ZNF197: variants seen among roughly 807,000 people sequenced by gnomAD.
The protein encoded by ZNF197 is VHL-associated KRAB-A domain-containing protein.
ZNF197 carries 14 observed loss-of-function variants against 27.4 expected under a neutral mutation model. The observed-to-expected ratio is 0.51, with a 90% CI of 0.34 to 0.80. The LOEUF is 0.80. Ranked by LOEUF, ZNF197 falls within the 30% of genes least tolerant of loss-of-function variation. ZNF197 has a pLI of 0.02. For synonymous variants in ZNF197, 415 were observed against 420.0 expected (o/e 0.99, Z 0.15); for missense variants, 1,090 against 1,222.6 (o/e 0.89, Z 1.62).
chr3:44,643,811 G>T lies in ZNF197; in HGVS notation c.2681G>T (p.Arg894Ile). 1.2e-6 allele frequency: 2 copies of T among 1,613,954 alleles called. No homozygotes were observed. Among genetic ancestry groups the T allele is most frequent in the South Asian group, 2.2e-5 (2 of 91,064 alleles). The change falls in exon 6 of 6, where the codon AGA becomes ATA. Residue 894 changes from arginine to isoleucine, a missense_variant. Arg to Ile is a moderately conservative substitution (Grantham distance 97). Coordinates refer to ENST00000344387, the MANE Select transcript of ZNF197 (RefSeq NM_006991.5). ...AGTAGAAATCTTATGGTACATCAAA[G>T]AATCCATACTGGAGAGAAACCTTAT... ...TSSRNLMVHQRIHTGEKPYKC... is the reference protein window; with the variant it reads ...TSSRNLMVHQIIHTGEKPYKC...
intron 5 of ZNF197, among the ~76,000 whole-genome samples, chr3:44,638,497 A>G (rs1005307079): frequency 2.6e-5 from 4 of 152,164 alleles, no homozygotes; most frequent in Non-Finnish European, 2.9e-5. Flanking sequence ...GATTGTCTAT[A>G]TGCAAGATTT....
rs569970336 is a variant in ZNF197 at position 44,643,402 on chromosome 3, G to A, written c.2272G>A (p.Gly758Arg). The change falls in exon 6 of 6, where the codon GGA becomes AGA. Residue 758 changes from glycine (G) to arginine (R), a missense_variant. Gly to Arg is a moderately radical substitution (Grantham distance 125). Transcript: ENST00000344387. The stretch of plus-strand genomic sequence containing the variant: ...GCTTGTACATCGGAGAATCCACACC[G>A]GAGAAAAACCCTTTGAATGCAGTGA... ...SLLVHRRIHT[G>R]EKPFECSECG... 2.8e-5 allele frequency: 46 copies of A among 1,614,168 alleles called. 1 individual carries two copies. The highest frequency in any genetic ancestry group is 1.6e-4 in the East Asian group (7 of 44,876).
In ZNF197 at chr3:44,644,027, T is replaced by A; in HGVS notation, c.2897T>A (p.Val966Asp). The A allele has an allele frequency of 1.2e-6, 2 of 1,613,932 alleles. No homozygotes were observed. Among genetic ancestry groups the A allele is most frequent in the South Asian group, 2.2e-5 (2 of 91,018 alleles). ...KPYGCNDCSKVFRQRKNLTVH... is the reference protein window; with the variant it reads ...KPYGCNDCSKDFRQRKNLTVH... ...TATGGGTGTAATGATTGTAGTAAAGTTTTTAGGCAAAGAAAAAACCTTACT... is the reference window on the plus strand; with the variant it reads ...TATGGGTGTAATGATTGTAGTAAAGATTTTAGGCAAAGAAAAAACCTTACT... Residue 966 changes from valine (V) to aspartate (D), a missense_variant, in exon 6 of 6, where the codon GTT becomes GAT. Coordinates refer to ENST00000344387, the MANE Select transcript of ZNF197 (RefSeq NM_006991.5).
At chr3:44,625,513 A>C (rs1701594885) in intron 1 of ZNF197, among the ~76,000 whole-genome samples, 1 of 151,468 alleles carries the variant, frequency 6.6e-6, no homozygotes, top group African/African-American at 2.4e-5. Context: ...AGGTTTCCCT[A>C]TTACCGGTGG....
In ZNF197 at chr3:44,644,305, T is replaced by C; in HGVS notation, c.*85T>C. ...ATATATTTCTTCTAAGGAAAAAGTT[T>C]ATTATTTACTCTTTACTAGACAAAT... On this transcript the variant is annotated 3_prime_UTR_variant, in exon 6 of 6. Transcript: ENST00000344387. The C allele has an allele frequency of 6.7e-7, 1 of 1,486,234 alleles. No individual in the cohort carries two copies. Among genetic ancestry groups the C allele is most frequent in the South Asian group, 1.4e-5 (1 of 69,324 alleles). The allele number at this position is 1,486,234 out of a possible 1,614,324, so 92.1% of individuals were successfully genotyped here.
rs1242478582 is a variant in ZNF197 at position 44,629,150 on chromosome 3, C to T, written c.-5C>T. 5 of 1,596,428 alleles carry T rather than the reference C, an allele frequency of 3.1e-6. No individual in the cohort carries two copies. Among genetic ancestry groups the T allele is most frequent in the Non-Finnish European group, 4.3e-6 (5 of 1,174,480 alleles). On this transcript the variant is annotated 5_prime_UTR_variant, in exon 2 of 6. Coordinates refer to ENST00000344387, the MANE Select transcript of ZNF197 (RefSeq NM_006991.5). ...CTGGAGAGGAGCCTTTTTCAAAAAA[C>T]AACAATGACAAGAGAAAATGTAGCC...
At position 44,643,573 on chromosome 3, in the gene ZNF197, G is replaced by A. The variant is rs779489229; in HGVS notation, c.2443G>A (p.Glu815Lys). ...TGGACATCAGAGAATTCACACGAGG[G>A]AAAAATCTTATAAATGCAATGACTG... ...LIGHQRIHTR[E>K]KSYKCNDCGK... Residue 815 changes from glutamate (E) to lysine (K), a missense_variant, in exon 6 of 6, where the codon GAA becomes AAA. Transcript: ENST00000344387. The A allele has an allele frequency of 6.2e-7, 1 of 1,614,168 alleles. No homozygotes were observed. Among genetic ancestry groups the A allele is most frequent in the Non-Finnish European group, 8.5e-7 (1 of 1,180,038 alleles).
At position 44,640,239 on chromosome 3, in the gene ZNF197, A is replaced by G. The variant is rs550210680; in HGVS notation, c.770-1661A>G. On this transcript the variant is annotated intron_variant, in intron 5 of 5. Coordinates refer to ENST00000344387, the MANE Select transcript of ZNF197 (RefSeq NM_006991.5). This position sits in a 1 kb window ranked among gnomAD's most constrained non-coding sequence, Gnocchi z 4.0. ...AGTTTAACCAGCTAATTAGCTACTGATACAAGAGTTGCTAATTTCTTAACC... is the reference window on the plus strand; with the variant it reads ...AGTTTAACCAGCTAATTAGCTACTGGTACAAGAGTTGCTAATTTCTTAACC... 3.3e-5 allele frequency among the ~76,000 whole-genome samples: 5 copies of G among 152,360 alleles called. No homozygotes were observed. Among genetic ancestry groups the G allele is most frequent in the South Asian group, 2.1e-4 (1 of 4,830 alleles).
In ZNF197 at chr3:44,632,422, G is replaced by A. The variant is rs771767965; in HGVS notation, c.643-51G>A. ...TCCCCAGAAGTGAAGGGAACCTTTCGACAGGCAAGTTCCTGGGCATTGGTA... is the reference window on the plus strand; with the variant it reads ...TCCCCAGAAGTGAAGGGAACCTTTCAACAGGCAAGTTCCTGGGCATTGGTA... On this transcript the variant is annotated intron_variant, in intron 4 of 5. Coordinates refer to ENST00000344387, the MANE Select transcript of ZNF197 (RefSeq NM_006991.5). 1.9e-5 allele frequency: 30 copies of A among 1,546,018 alleles called. No individual in the cohort carries two copies. In the Middle Eastern group the frequency reaches 8.7e-4, roughly 45 times the overall value.
intron 1 of ZNF197, among the ~76,000 whole-genome samples, chr3:44,627,944 CTGTT>C (rs1046043070): frequency 2.0e-5 from 3 of 152,112 alleles, no homozygotes; most frequent in Non-Finnish European, 4.4e-5. Context: ...TCTGGCTCCC[CTGTT>C]TGTTATAAGC....
Position 44,629,386 on chromosome 3 carries a change from A to G in ZNF197, c.232A>G (p.Lys78Glu). Residue 78 changes from lysine to glutamate, a missense_variant, in exon 2 of 6, where the codon AAG (lysine) becomes GAG (glutamate). Coordinates refer to ENST00000344387, the MANE Select transcript of ZNF197 (RefSeq NM_006991.5). ...GTGGCTGAGACCAGAAGCACGCACC[A>G]AGGCACAGATCCTGGAGCTGCTGGT... is the stretch of plus-strand genomic sequence containing the variant. ...RRWLRPEART[K>E]AQILELLVLE... 1.2e-6 allele frequency: 2 copies of G among 1,614,170 alleles called. No individual in the cohort carries two copies. The highest frequency in any genetic ancestry group is 1.3e-5 in the African/African-American group (1 of 75,036).
chr3:44,641,463 C>T (rs935252405), intron 5 of ZNF197, among the ~76,000 whole-genome samples: 8 of 152,326 alleles, frequency 5.3e-5, no homozygotes, highest in African/African-American at 1.9e-4. Flanking sequence ...AATTGCCTTT[C>T]AGAGTCCTTA....
In ZNF197 at chr3:44,647,206, A is replaced by G. The variant is rs755858742; in HGVS notation, c.*2986A>G. The G allele has an allele frequency of 1.3e-5, 2 of 152,238 alleles. No homozygotes were observed. The highest frequency in any genetic ancestry group is 2.4e-5 in the African/African-American group (1 of 41,466). The allele number at this position is 152,238 out of a possible 1,614,324, so 9.4% of individuals were successfully genotyped here. A position where few individuals can be genotyped will look rare whatever the true frequency, so the allele number is the denominator to read the frequency against. ...CTGAAGTATAGATAGCAAATAAGCAAATGAAAAGATGTTCAACATCATTAG... is the reference window on the plus strand; with the variant it reads ...CTGAAGTATAGATAGCAAATAAGCAGATGAAAAGATGTTCAACATCATTAG... On this transcript the variant is annotated 3_prime_UTR_variant, in exon 6 of 6. Transcript: ENST00000344387.
At chr3:44,628,436 T>C (rs1177696582) in intron 1 of ZNF197, among the ~76,000 whole-genome samples, 2 of 152,208 alleles carry the variant, frequency 1.3e-5, no homozygotes, top group Non-Finnish European at 2.9e-5. Context: ...GAAAGAACAA[T>C]TTTCAGAGAA....
Position 44,632,550 on chromosome 3 carries a change from C to T in ZNF197, c.720C>T (p.Ala240=). 6.2e-7 allele frequency: 1 copy of T among 1,607,896 alleles called. No individual in the cohort carries two copies. ...EWACLGPIQR[A]LYWDVMLENY... is the part of the protein sequence containing the mutation. ...CATGTCTGGGCCCAATCCAGAGGGC[C>T]TTGTACTGGGATGTGATGCTGGAGA... Residue 240 remains alanine, a synonymous_variant, in exon 5 of 6, where the codon GCC becomes GCT. Coordinates refer to ENST00000344387, the MANE Select transcript of ZNF197 (RefSeq NM_006991.5).
chr3:44,635,435 G>A (rs765976570), intron 5 of ZNF197, among the ~76,000 whole-genome samples: 5 of 152,042 alleles, frequency 3.3e-5, no homozygotes, highest in Non-Finnish European at 5.9e-5. Context: ...TTAAAAGTTG[G>A]GCAAAACAAA....
At chr3:44,629,821 T>C (rs1366638763) in intron 2 of ZNF197, among the ~76,000 whole-genome samples, 1 of 152,198 alleles carries the variant, frequency 6.6e-6, no homozygotes, top group Non-Finnish European at 1.5e-5. Flanking sequence ...AATGCTGAGT[T>C]TGGACCAAGA....
chr3:44,640,235 A>C lies in ZNF197; in HGVS notation c.770-1665A>C, dbSNP rs774950796. On this transcript the variant is annotated intron_variant, in intron 5 of 5. Transcript: ENST00000344387. The surrounding 1 kb of genome is among the most constrained non-coding windows in gnomAD (Gnocchi z 4.0). ...AAATAGTTTAACCAGCTAATTAGCT[A>C]CTGATACAAGAGTTGCTAATTTCTT... Among the ~76,000 whole-genome samples, 1 of 152,256 alleles carries C rather than the reference A, an allele frequency of 6.6e-6. No homozygotes were observed. The highest frequency in any genetic ancestry group is 1.5e-5 in the Non-Finnish European group (1 of 68,040).
Position 44,645,365 on chromosome 3 carries a change from A to T in ZNF197, c.*1145A>T. The T allele has an allele frequency of 1.0e-6, 1 of 973,064 alleles. No individual in the cohort carries two copies. The highest frequency in any genetic ancestry group is 1.2e-6 in the Non-Finnish European group (1 of 829,470). 60.3% of individuals were successfully genotyped at this position (973,064 alleles called of 1,614,324 possible). A position where few individuals can be genotyped will look rare whatever the true frequency, so the allele number is the denominator to read the frequency against. On this transcript the variant is annotated 3_prime_UTR_variant, in exon 6 of 6. Coordinates refer to ENST00000344387, the MANE Select transcript of ZNF197 (RefSeq NM_006991.5). ...AGGAACCTAAAAGATACTCATTTTC[A>T]TAAGAGGAAGTATGGTGAATAGCTA...
Sources: gnomAD v4.1 joint callset for allele counts (sites outside exome capture counted in the v4.1 genomes callset) on GRCh38, gnomAD v4.1.1 for gene constraint, Gnocchi (gnomAD v3.1) non-coding constraint, MANE v1.5 for transcripts, NCBI Gene and HGNC (gene_info 2026-07-23, HGNC 2026-07-21) for gene names.